SCN10A: variants seen among roughly 807,000 people sequenced by gnomAD.
The protein encoded by SCN10A is sodium channel protein type 10 subunit alpha.
SCN10A carries 162 observed loss-of-function variants against 170.7 expected under a neutral mutation model. The ratio of observed to expected loss-of-function variants is 0.95; its 90% CI spans 0.84 to 1.08. The LOEUF (loss-of-function observed/expected upper bound fraction) is 1.08. Among genes scored for constraint, SCN10A ranks in the 50% least tolerant of loss-of-function variants. The probability of loss-of-function intolerance (pLI) is 0.00; values close to 1 mark genes in which losing one functional copy is unlikely to be tolerated. For missense variants in SCN10A, 2,527 were observed against 2,436.9 expected (o/e 1.04, Z -0.78); for synonymous variants, 985 against 904.6 (o/e 1.09, Z -1.59).
chr3:38,763,525 T>G lies in SCN10A; in HGVS notation c.671A>C (p.Lys224Thr). The change falls in exon 6 of 28, where the codon AAA (lysine) becomes ACA (threonine). Residue 224 changes from lysine (K) to threonine (T), a missense_variant. Coordinates refer to ENST00000449082, the MANE Select transcript of SCN10A (RefSeq NM_006514.4). ...CTCACCTGGGATCACAGAAACTGTTTTTAATGCTCTAAGAACTCTGAATGT... is the reference window on the plus strand; with the variant it reads ...CTCACCTGGGATCACAGAAACTGTTGTTAATGCTCTAAGAACTCTGAATGT... The part of the protein sequence containing the change: ...LRTFRVLRAL[K>T]TVSVIPGLKV... 1.2e-6 allele frequency: 2 copies of G among 1,613,976 alleles called. No individual in the cohort carries two copies. Among genetic ancestry groups the G allele is most frequent in the Non-Finnish European group, 1.7e-6 (2 of 1,179,830 alleles).
rs755345260 is a variant in SCN10A at position 38,698,302 on chromosome 3, C to T, written c.4918G>A (p.Asp1640Asn). 9 of 1,613,988 alleles carry T rather than the reference C, an allele frequency of 5.6e-6. No individual in the cohort carries two copies. Among genetic ancestry groups the T allele is most frequent in the African/African-American group, 2.7e-5 (2 of 74,878 alleles). ...PHVRWEAGID[D>N]MFNFQTFANS... ...GCGAAGGTCTGGAAGTTGAACATGTCGTCGATGCCAGCCTCCCACCTCACA... is the reference window on the plus strand; with the variant it reads ...GCGAAGGTCTGGAAGTTGAACATGTTGTCGATGCCAGCCTCCCACCTCACA... Residue 1640 changes from aspartate (D) to asparagine (N), a missense_variant, in exon 28 of 28, where the codon GAC (aspartate) becomes AAC (asparagine). Physicochemically the swap from Asp to Asn is conservative, Grantham distance 23. Coordinates refer to ENST00000449082, the MANE Select transcript of SCN10A (RefSeq NM_006514.4).
intron 4 of SCN10A, among the ~76,000 whole-genome samples, chr3:38,784,765 A>G (rs1238324658): frequency 5.9e-5 from 9 of 152,212 alleles, no homozygotes; most frequent in African/African-American, 1.9e-4. Flanking sequence ...CCTTAAGCTG[A>G]TAAGCAACTT....
At chr3:38,805,177 G>C (rs894877886) in intron 1 of SCN10A, among the ~76,000 whole-genome samples, 1 of 152,146 alleles carries the variant, frequency 6.6e-6, no homozygotes, top group Non-Finnish European at 1.5e-5. Context: ...TGACTTAGCT[G>C]CTTGGCAGAA....
intron 24 of SCN10A, 56 bp from the exon 25 acceptor site, chr3:38,709,671 C>T (rs2063251165): frequency 6.8e-7 from 1 of 1,465,454 alleles, no homozygotes; most frequent in South Asian, 1.5e-5. Context: ...TTCAGGTTCA[C>T]TCTGAAAGCC....
At chr3:38,768,162 A>AGATACTTGG (rs1413397798) in intron 5 of SCN10A, among the ~76,000 whole-genome samples, 4 of 149,014 alleles carry the variant, frequency 2.7e-5, no homozygotes, top group Non-Finnish European at 4.5e-5. Flanking sequence ...TGAAGACAGT[A>AGATACTTGG]GATACTTGGT....
intron 12 of SCN10A, among the ~76,000 whole-genome samples, chr3:38,751,499 A>G (rs2063746459): frequency 6.6e-6 from 1 of 152,160 alleles, no homozygotes; most frequent in Non-Finnish European, 1.5e-5. Context: ...TATCAGTGGA[A>G]CCATTTATTG....
intron 5 of SCN10A, among the ~76,000 whole-genome samples, chr3:38,765,784 A>G (rs776861032): frequency 1.2e-4 from 18 of 152,112 alleles, no homozygotes; most frequent in Non-Finnish European, 2.4e-4. Flanking sequence ...TGGAAATTGT[A>G]TTGAATCTGT....
chr3:38,767,647 A>G (rs371446733), intron 5 of SCN10A, among the ~76,000 whole-genome samples: 2 of 152,126 alleles, frequency 1.3e-5, no homozygotes, highest in South Asian at 4.1e-4. Context: ...GAGATTTGTT[A>G]TGTTATCTAT....
intron 18 of SCN10A, 63 bp from the exon 19 acceptor site, chr3:38,723,616 G>A (rs2063419831): frequency 3.9e-6 from 6 of 1,533,960 alleles, no homozygotes; most frequent in African/African-American, 1.4e-5. Context: ...AATTGCACAC[G>A]GTCACTGCAG....
Position 38,698,408 on chromosome 3 carries a change from C to T in SCN10A, c.4812G>A (p.Leu1604=). The change falls in exon 28 of 28, where the codon CTG becomes CTA. Residue 1604 remains leucine (L), a synonymous_variant. Transcript: ENST00000449082. ...ACAGCCCGATGTTGAAGAGGGCAGG[C>T]AGGGACATCATGAGGGCAAAGAGCA... ...RTLLFALMMS[L]PALFNIGLLL... 1 of 1,614,176 alleles carries T rather than the reference C, an allele frequency of 6.2e-7. No individual in the cohort carries two copies.
chr3:38,718,854 C>T lies in SCN10A; in HGVS notation c.3508-28G>A, dbSNP rs1486863490. 16 of 1,609,156 alleles carry T rather than the reference C, an allele frequency of 9.9e-6. No homozygotes were observed. The East Asian group carries it at 2.2e-4, about 22-fold the overall frequency. Reference sequence around the variant, plus strand: ...GGAAGGAAGAAAGGATGCAGAATGGCAGGCTGCCTGGACCCACAGCACTGG... The same window carrying T: ...GGAAGGAAGAAAGGATGCAGAATGGTAGGCTGCCTGGACCCACAGCACTGG... On this transcript the variant is annotated intron_variant, in intron 20 of 27. Coordinates refer to ENST00000449082, the MANE Select transcript of SCN10A (RefSeq NM_006514.4).
At chr3:38,736,232 T>A (rs910177748) in intron 15 of SCN10A, among the ~76,000 whole-genome samples, 1 of 152,130 alleles carries the variant, frequency 6.6e-6, no homozygotes, top group Admixed American at 6.5e-5. Context: ...AACTGGCAGG[T>A]CCTGATTATG....
intron 4 of SCN10A, among the ~76,000 whole-genome samples, chr3:38,780,614 C>A (rs2064128252): frequency 6.6e-6 from 1 of 151,902 alleles, no homozygotes; most frequent in East Asian, 1.9e-4. Context: ...ATAAATGTGA[C>A]CATGTTATAC....
Position 38,739,658 on chromosome 3 carries a change from C to G in SCN10A, c.2137G>C (p.Val713Leu), listed in dbSNP as rs1490375691. The G allele has an allele frequency of 6.2e-7, 1 of 1,613,986 alleles. No individual in the cohort carries two copies. The highest frequency in any genetic ancestry group is 1.7e-5 in the Admixed American group (1 of 60,018). Residue 713 changes from valine (V) to leucine (L), a missense_variant, in exon 15 of 28, where the codon GTC becomes CTC. Val to Leu is a conservative substitution (Grantham distance 32, BLOSUM62 1). Coordinates refer to ENST00000449082, the MANE Select transcript of SCN10A (RefSeq NM_006514.4). ...VFTIFFTAEM[V>L]FKIIAFDPYY... ...GGGTCGAAGGCAATGATTTTGAAGA[C>G]CATTTCAGCAGTAAAAAATATGGTA...
At position 38,724,857 on chromosome 3, in the gene SCN10A, T is replaced by C. The variant is rs62242438; in HGVS notation, c.3228+317A>G. On this transcript the variant is annotated intron_variant, in intron 18 of 27. Coordinates refer to ENST00000449082, the MANE Select transcript of SCN10A (RefSeq NM_006514.4). ...AAGTAGGCATTACCATTCAGTTTCA[T>C]AGATGAATAAATGGCGGCTCAGAGA... is the stretch of plus-strand genomic sequence containing the variant. Among the ~76,000 whole-genome samples, 34,302 of 152,148 alleles carry C rather than the reference T, an allele frequency of 0.23. 4,282 individuals carry two copies. Among genetic ancestry groups the C allele is most frequent in the East Asian group, 0.41 (2,100 of 5,174 alleles).
chr3:38,804,452 T>TC (rs1423755879), intron 1 of SCN10A, among the ~76,000 whole-genome samples: 13 of 152,158 alleles, frequency 8.5e-5, no homozygotes, highest in Admixed American at 7.9e-4. Context: ...TAGAATGTTT[T>TC]CCCCATGAAA....
At chr3:38,815,702 C>T (rs2064471699) in intron 1 of SCN10A, among the ~76,000 whole-genome samples, 1 of 152,206 alleles carries the variant, frequency 6.6e-6, no homozygotes, top group South Asian at 2.1e-4. Flanking sequence ...TCTGAAATCA[C>T]ATCTGCTAAT....
intron 13 of SCN10A, 91 bp downstream of exon 13, chr3:38,749,982 G>A (rs141902986): frequency 8.9e-6 from 6 of 671,082 alleles, no homozygotes; most frequent in East Asian, 2.7e-5. Flanking sequence ...AGAGATGGAC[G>A]CTTTGACACG....
chr3:38,750,644 G>T (rs1180808304), intron 12 of SCN10A, among the ~76,000 whole-genome samples: 1 of 152,162 alleles, frequency 6.6e-6, no homozygotes, highest in Non-Finnish European at 1.5e-5. Context: ...TTTACAAGGG[G>T]AGATAAGGAG....
Sources: gnomAD v4.1 joint callset for allele counts (sites outside exome capture counted in the v4.1 genomes callset) on GRCh38, gnomAD v4.1.1 for gene constraint, MANE v1.5 for transcripts, NCBI Gene and HGNC (gene_info 2026-07-23, HGNC 2026-07-21) for gene names.